Variants in ZSWIM6 observed in about 807,000 individuals in gnomAD.
ZSWIM6 encodes zinc finger SWIM-type containing 6, also known as zinc finger SWIM domain-containing protein 6.
A neutral mutation model predicts 113.2 loss-of-function variants in ZSWIM6; 9 were observed. That is an observed-to-expected ratio of 0.08 (90% CI 0.05 to 0.14). ZSWIM6 has a LOEUF of 0.14. Among genes scored for constraint, ZSWIM6 ranks in the 10% least tolerant of loss-of-function variants. ZSWIM6 has a pLI of 1.00. For synonymous variants in ZSWIM6, 611 were observed against 606.5 expected, an observed-to-expected ratio of 1.01 and a Z score of -0.11; for missense variants, 1,162 against 1,552.2, an observed-to-expected ratio of 0.75 and a Z score of 4.22.
intron 1 of ZSWIM6, among the ~76,000 whole-genome samples, chr5:61,377,835 A>C (rs560810802): frequency 1.3e-5 from 2 of 152,232 alleles, no homozygotes; most frequent in African/African-American, 4.8e-5. Context: ...AAAGACTAAC[A>C]ATTCAGTAGA....
chr5:61,377,504 G>A (rs1350386608), intron 1 of ZSWIM6, among the ~76,000 whole-genome samples: 2 of 152,100 alleles, frequency 1.3e-5, no homozygotes, highest in African/African-American at 4.8e-5. Flanking sequence ...GGATCACGAG[G>A]TCAGGAGATC....
chr5:61,424,335 T>C (rs1323081687), intron 1 of ZSWIM6, among the ~76,000 whole-genome samples: 5 of 152,204 alleles, frequency 3.3e-5, no homozygotes, highest in Admixed American at 6.5e-5. Flanking sequence ...GAGTAGTTAC[T>C]AGCTCTGAGA....
chr5:61,446,111 C>T (rs540558880), intron 1 of ZSWIM6, among the ~76,000 whole-genome samples: 19 of 152,316 alleles, frequency 1.2e-4, no homozygotes, highest in African/African-American at 4.6e-4. Flanking sequence ...ACTGCAACCT[C>T]CACCTCCCGG....
At chr5:61,481,265 C>T (rs372674056) in intron 2 of ZSWIM6, among the ~76,000 whole-genome samples, 11 of 152,136 alleles carry the variant, frequency 7.2e-5, no homozygotes, top group African/African-American at 1.2e-4. Context: ...CAATTATAAA[C>T]GTGTCTTCAT....
At chr5:61,508,974 G>C (rs1343507095) in intron 4 of ZSWIM6, among the ~76,000 whole-genome samples, 1 of 152,146 alleles carries the variant, frequency 6.6e-6, no homozygotes, top group Non-Finnish European at 1.5e-5. Flanking sequence ...TTTTAGAGTA[G>C]TTTTTATTAA....
chr5:61,519,755 T>C (rs1190675148), intron 4 of ZSWIM6, among the ~76,000 whole-genome samples: 1 of 152,138 alleles, frequency 6.6e-6, no homozygotes, highest in Non-Finnish European at 1.5e-5. Context: ...TACTCTTACA[T>C]AGCAGTCCCC....
chr5:61,536,583 A>G (rs1749579285), intron 10 of ZSWIM6, among the ~76,000 whole-genome samples: 1 of 152,382 alleles, frequency 6.6e-6, no homozygotes, highest in South Asian at 2.1e-4. Flanking sequence ...GTCTGTAATC[A>G]GAGAAGTAGA....
intron 4 of ZSWIM6, among the ~76,000 whole-genome samples, chr5:61,510,042 G>A (rs2112243437): frequency 6.6e-6 from 1 of 152,026 alleles, no homozygotes; most frequent in East Asian, 1.9e-4. Flanking sequence ...AACCCGATGA[G>A]GTTAGAAATT....
At chr5:61,478,935 C>T (rs1383015799) in intron 2 of ZSWIM6, among the ~76,000 whole-genome samples, 2 of 152,018 alleles carry the variant, frequency 1.3e-5, no homozygotes, top group African/African-American at 4.8e-5. Context: ...CTTTGGGAGG[C>T]CAAGGTGAGT....
chr5:61,408,744 G>A (rs1746091143), intron 1 of ZSWIM6, among the ~76,000 whole-genome samples: 1 of 152,270 alleles, frequency 6.6e-6, no homozygotes, highest in Non-Finnish European at 1.5e-5. Flanking sequence ...CTGGCTGCCA[G>A]CCAAACCTTT....
At chr5:61,383,653 C>T (rs993824544) in intron 1 of ZSWIM6, among the ~76,000 whole-genome samples, 5 of 151,738 alleles carry the variant, frequency 3.3e-5, no homozygotes, top group African/African-American at 9.7e-5. Flanking sequence ...CTCCTGTTTC[C>T]TCCTTCTCAA....
At chr5:61,480,075 A>C (rs1023702453) in intron 2 of ZSWIM6, among the ~76,000 whole-genome samples, 1 of 152,212 alleles carries the variant, frequency 6.6e-6, no homozygotes, top group Non-Finnish European at 1.5e-5. Flanking sequence ...GTACTGAGTA[A>C]TCATTAATAC....
Position 61,346,911 on chromosome 5 carries a change from A to G in ZSWIM6, c.676+13963A>G, listed in dbSNP as rs555691673. Among the ~76,000 whole-genome samples, 37 of 152,374 alleles carry G rather than the reference A, an allele frequency of 2.4e-4. 1 individual carries two copies. In the South Asian group the frequency reaches 6.0e-3, roughly 25 times the overall value. ...TACTCTATTCATTTTAACAATTTGT[A>G]GCAAAGTACTTTTATTTTAAAATGG... On this transcript the variant is annotated intron_variant, in intron 1 of 13. Transcript: ENST00000252744.
chr5:61,392,894 G>A (rs1251753477), intron 1 of ZSWIM6, among the ~76,000 whole-genome samples: 2 of 152,048 alleles, frequency 1.3e-5, no homozygotes, highest in Non-Finnish European at 2.9e-5. Flanking sequence ...TTACAGGTGT[G>A]AGCCACCGCG....
chr5:61,368,489 A>C (rs1420669922), intron 1 of ZSWIM6, among the ~76,000 whole-genome samples: 1 of 152,196 alleles, frequency 6.6e-6, no homozygotes, highest in Non-Finnish European at 1.5e-5. Context: ...AGTAGAAAAC[A>C]AGAGAGAAAA....
intron 4 of ZSWIM6, among the ~76,000 whole-genome samples, chr5:61,517,798 T>TTTAG (rs1554039857): frequency 6.6e-6 from 1 of 150,792 alleles, no homozygotes; most frequent in Non-Finnish European, 1.5e-5. Context: ...TATTTATTTA[T>TTTAG]TTATTATTAT....
intron 13 of ZSWIM6, 99 bp downstream of exon 13, chr5:61,542,064 C>G: frequency 8.9e-7 from 1 of 1,118,268 alleles, no homozygotes. Context: ...TTTATGTTGA[C>G]TTCTCCAAGG....
At chr5:61,336,084 T>G (rs111341698) in intron 1 of ZSWIM6, among the ~76,000 whole-genome samples, 1 of 151,784 alleles carries the variant, frequency 6.6e-6, no homozygotes, top group South Asian at 2.1e-4. Context: ...GCAACATGGT[T>G]AAACCCTGTC....
chr5:61,379,221 GATAA>G (rs934227308), intron 1 of ZSWIM6, among the ~76,000 whole-genome samples: 1 of 122,138 alleles, frequency 8.2e-6, no homozygotes, highest in African/African-American at 3.2e-5. Context: ...AATGTAAAAA[GATAA>G]ATAAAGAATA....
Sources: gnomAD v4.1 joint callset for allele counts (sites outside exome capture counted in the v4.1 genomes callset) on GRCh38, gnomAD v4.1.1 for gene constraint, MANE v1.5 for transcripts, NCBI Gene and HGNC (gene_info 2026-07-23, HGNC 2026-07-21) for gene names.